The following WFDC10B variants were observed in gnomAD, a reference collection of about 807,000 sequenced individuals.
WFDC10B encodes the protein protein WFDC10B.
WFDC10B carries 1 observed loss-of-function variant against 2.7 expected under a neutral mutation model. The ratio of observed to expected loss-of-function variants is 0.38; its 90% confidence interval spans 0.13 to 1.79. The LOEUF (loss-of-function observed/expected upper bound fraction) is 1.79, where lower values mean the gene tolerates loss of function less well. Among genes scored for constraint, WFDC10B ranks in the 40% most tolerant of loss-of-function variants. WFDC10B has a pLI of 0.33. For synonymous variants in WFDC10B, 26 were observed against 32.2 expected, an observed-to-expected ratio of 0.81 and a Z score of 0.65; for missense variants, 71 against 87.8, an observed-to-expected ratio of 0.81 and a Z score of 0.76.
Position 45,692,700 on chromosome 20 carries a change from C to T in WFDC10B, c.-64-6644G>A, listed in dbSNP as rs1449938388. On this transcript the variant is annotated intron_variant, in intron 2 of 3. Coordinates refer to ENST00000330523, the MANE Select transcript of WFDC10B (RefSeq NM_172006.2). ...GCTCCATCAGCTCCTTTAAGCACTTCTCTGTATTGGTTATTCTAGTTATAC... is the reference window on the plus strand; with the variant it reads ...GCTCCATCAGCTCCTTTAAGCACTTTTCTGTATTGGTTATTCTAGTTATAC... 2.0e-5 allele frequency among the ~76,000 whole-genome samples: 3 copies of T among 152,168 alleles called. No individual in the cohort carries two copies. In the South Asian group the frequency reaches 6.2e-4, roughly 32 times the overall value.
At chr20:45,695,887 T>C (rs1264259185) in intron 2 of WFDC10B, among the ~76,000 whole-genome samples, 1 of 151,554 alleles carries the variant, frequency 6.6e-6, no homozygotes, top group Non-Finnish European at 1.5e-5. Flanking sequence ...AAAAAAACTT[T>C]CGGATGAATG....
intron 2 of WFDC10B, among the ~76,000 whole-genome samples, chr20:45,691,674 A>G (rs1339036095): frequency 6.6e-6 from 1 of 150,532 alleles, no homozygotes; most frequent in Non-Finnish European, 1.5e-5. Context: ...GCCTTTTTTT[A>G]TTTTCCATTT....
intron 2 of WFDC10B, among the ~76,000 whole-genome samples, chr20:45,699,899 G>A (rs1232737855): frequency 6.6e-6 from 1 of 152,104 alleles, no homozygotes; most frequent in Admixed American, 6.5e-5. Context: ...GGCTGGTCTC[G>A]AACTCCTGAC....
At chr20:45,692,793 G>A (rs6065864) in intron 2 of WFDC10B, among the ~76,000 whole-genome samples, 23,131 of 151,960 alleles carry the variant, frequency 0.15, 2,020 homozygotes, top group East Asian at 0.32. Context: ...CCTGTAGCTC[G>A]TAGTTTGATC....
intron 2 of WFDC10B, among the ~76,000 whole-genome samples, chr20:45,689,136 A>G (rs1284200824): frequency 6.8e-6 from 1 of 147,616 alleles, no homozygotes; most frequent in East Asian, 2.0e-4. Flanking sequence ...GGTTTGTCAA[A>G]GATCAGATAG....
At chr20:45,693,799 G>T (rs576824238) in intron 2 of WFDC10B, among the ~76,000 whole-genome samples, 3 of 152,322 alleles carry the variant, frequency 2.0e-5, no homozygotes, top group East Asian at 1.9e-4. Flanking sequence ...GCAATGCCTC[G>T]CACTGCTTCG....
chr20:45,702,087 C>A (rs756967594), intron 2 of WFDC10B: 8 of 1,597,226 alleles, frequency 5.0e-6, no homozygotes, highest in Non-Finnish European at 3.4e-6. Context: ...ACCCAGCAAC[C>A]CTTGGCCAGA....
Position 45,705,015 on chromosome 20 carries a change from G to A in WFDC10B, c.-227C>T, listed in dbSNP as rs760170695. ...ATCCTTTGGCCACCAGTGTTCTTGG[G>A]CTCTGGAGATCCAGCCCAAAGGAAG... On this transcript the variant is annotated 5_prime_UTR_variant, in exon 1 of 4. Coordinates refer to ENST00000330523, the MANE Select transcript of WFDC10B (RefSeq NM_172006.2). The A allele has an allele frequency of 1.2e-5, 19 of 1,611,690 alleles. No individual in the cohort carries two copies. The highest frequency in any genetic ancestry group is 1.5e-5 in the Non-Finnish European group (18 of 1,178,032).
intron 2 of WFDC10B, among the ~76,000 whole-genome samples, chr20:45,690,194 T>C (rs1262323336): frequency 6.6e-6 from 1 of 150,426 alleles, no homozygotes; most frequent in East Asian, 2.0e-4. Flanking sequence ...TGAAGCCCAC[T>C]TGATCATGGT....
At chr20:45,686,540 G>GC (rs577034184) in intron 2 of WFDC10B, among the ~76,000 whole-genome samples, 14 of 81,948 alleles carry the variant, frequency 1.7e-4, no homozygotes, top group African/African-American at 8.4e-4. Context: ...TAATTTTTTT[G>GC]GGGGGGGGCG....
chr20:45,692,361 T>G (rs1273794784), intron 2 of WFDC10B, among the ~76,000 whole-genome samples: 1 of 152,078 alleles, frequency 6.6e-6, no homozygotes, highest in African/African-American at 2.4e-5. Context: ...TCTCTGTATT[T>G]CCTGAATCTG....
chr20:45,704,422 T>C, intron 2 of WFDC10B, 75 bp downstream of exon 2: 1 of 1,603,278 alleles, frequency 6.2e-7, no homozygotes, highest in Non-Finnish European at 8.5e-7. Flanking sequence ...GAGGCCCTTC[T>C]CTTACTTGTT....
At chr20:45,690,367 G>A (rs1315682482) in intron 2 of WFDC10B, among the ~76,000 whole-genome samples, 5 of 152,052 alleles carry the variant, frequency 3.3e-5, no homozygotes, top group Non-Finnish European at 7.3e-5. Context: ...AATGAGTTAG[G>A]GAGGATTCCC....
chr20:45,689,166 T>C (rs1230807335), intron 2 of WFDC10B, among the ~76,000 whole-genome samples: 2 of 149,736 alleles, frequency 1.3e-5, no homozygotes, highest in Non-Finnish European at 3.0e-5. Flanking sequence ...TGTGGCGTTA[T>C]TTCTGAGGGC....
chr20:45,687,089 G>A (rs1053181448), intron 2 of WFDC10B, among the ~76,000 whole-genome samples: 3 of 152,138 alleles, frequency 2.0e-5, no homozygotes, highest in Non-Finnish European at 2.9e-5. Flanking sequence ...GGGGCTTGCT[G>A]CACCTATCAA....
chr20:45,692,352 C>A (rs532483966), intron 2 of WFDC10B, among the ~76,000 whole-genome samples: 12 of 152,090 alleles, frequency 7.9e-5, no homozygotes, highest in African/African-American at 2.7e-4. Context: ...TTGTGGCATT[C>A]TCTGTATTTC....
intron 2 of WFDC10B, chr20:45,702,298 G>GA: frequency 7.6e-7 from 1 of 1,319,060 alleles, no homozygotes. Context: ...ACACCTCTTG[G>GA]AAAAATACCG....
At position 45,685,883 on chromosome 20, in the gene WFDC10B, C is replaced by G; in HGVS notation, c.91+19G>C. 1.2e-6 allele frequency: 2 copies of G among 1,613,070 alleles called. No homozygotes were observed. The highest frequency in any genetic ancestry group is 1.7e-6 in the Non-Finnish European group (2 of 1,179,846). On this transcript the variant is annotated intron_variant, in intron 3 of 3. Coordinates refer to ENST00000330523, the MANE Select transcript of WFDC10B (RefSeq NM_172006.2). ...CCCTACCCAACTCTCCATCACCCAT[C>G]CAGCAGCCCATCACCTACTCTGCAT...
At chr20:45,685,047 C>T in intron 3 of WFDC10B, 87 bp from the exon 4 acceptor site, 2 of 1,553,394 alleles carry the variant, frequency 1.3e-6, no homozygotes, top group Non-Finnish European at 1.7e-6. Flanking sequence ...GGCCCCAGAA[C>T]CAAGGCACCC....
Sources: gnomAD v4.1 joint callset for allele counts (sites outside exome capture counted in the v4.1 genomes callset) on GRCh38, gnomAD v4.1.1 for gene constraint, MANE v1.5 for transcripts, NCBI Gene and HGNC (gene_info 2026-07-23, HGNC 2026-07-21) for gene names.